The following EML4 variants were observed in gnomAD, a reference collection of about 807,000 sequenced individuals.
EML4 encodes the protein EMAP like 4.
In EML4, 72 loss-of-function variants were observed where a neutral mutation model predicts 129.0. The observed-to-expected ratio is 0.56, with a 90% CI of 0.46 to 0.68. EML4 has a LOEUF of 0.68. Among genes scored for constraint, EML4 ranks in the 30% least tolerant of loss-of-function variants. The pLI, the probability that EML4 is intolerant of heterozygous loss-of-function variation, is 0.00. For synonymous variants in EML4, 532 were observed against 405.0 expected, an observed-to-expected ratio of 1.31 and a Z score of -3.77; for missense variants, 1,363 against 1,190.6, an observed-to-expected ratio of 1.14 and a Z score of -2.13.
At chr2:42,289,139 A>G (rs926530132) in intron 11 of EML4, 9 of 152,382 alleles carry the variant, frequency 5.9e-5, no homozygotes, top group African/African-American at 2.2e-4. Context: ...TAAAAGGAAT[A>G]TAAGTTGTCA....
intron 1 of EML4, among the ~76,000 whole-genome samples, chr2:42,198,735 C>T (rs548843221): frequency 6.6e-6 from 1 of 152,122 alleles, no homozygotes; most frequent in South Asian, 2.1e-4. Context: ...GTTATTGAGG[C>T]AATGGGAGTT....
chr2:42,282,076 C>T (rs1667042874), intron 7 of EML4, among the ~76,000 whole-genome samples: 1 of 152,026 alleles, frequency 6.6e-6, no homozygotes, highest in Non-Finnish European at 1.5e-5. Context: ...TTGGTCCCTC[C>T]CTTCTCTCTC....
chr2:42,180,139 C>T (rs1670847683), intron 1 of EML4, among the ~76,000 whole-genome samples: 1 of 152,138 alleles, frequency 6.6e-6, no homozygotes, highest in African/African-American at 2.4e-5. Context: ...CATTATACTT[C>T]ATAGTATGGC....
At chr2:42,327,407 T>G (rs1669865112) in intron 21 of EML4, among the ~76,000 whole-genome samples, 1 of 152,258 alleles carries the variant, frequency 6.6e-6, no homozygotes, top group African/African-American at 2.4e-5. Context: ...TTTACTCTTT[T>G]GAGCAACTGC....
At chr2:42,265,358 G>C (rs747553278) in intron 6 of EML4, among the ~76,000 whole-genome samples, 1 of 152,122 alleles carries the variant, frequency 6.6e-6, no homozygotes, top group Non-Finnish European at 1.5e-5. Flanking sequence ...GCCCGCCTCA[G>C]CCTCCCAAAG....
At chr2:42,225,516 T>C (rs1195419838) in intron 1 of EML4, among the ~76,000 whole-genome samples, 1 of 152,200 alleles carries the variant, frequency 6.6e-6, no homozygotes, top group Non-Finnish European at 1.5e-5. Flanking sequence ...ATTTAGTAAG[T>C]CTTGCTGAAT....
intron 1 of EML4, among the ~76,000 whole-genome samples, chr2:42,191,523 C>G (rs1671580004): frequency 6.6e-6 from 1 of 151,996 alleles, no homozygotes; most frequent in Non-Finnish European, 1.5e-5. Context: ...TCATTTAGAA[C>G]CAATGTTTAG....
intron 1 of EML4, among the ~76,000 whole-genome samples, chr2:42,239,575 C>A (rs915387677): frequency 1.3e-5 from 2 of 152,122 alleles, no homozygotes; most frequent in African/African-American, 4.8e-5. Context: ...GTTTTCTCTT[C>A]ATTCTTTACT....
In EML4 at chr2:42,251,116, G is replaced by T. The variant is rs527374789; in HGVS notation, c.209-5385G>T. Among the ~76,000 whole-genome samples, 6 of 152,306 alleles carry T rather than the reference G, an allele frequency of 3.9e-5. 1 individual carries two copies. In the South Asian group the frequency reaches 1.2e-3, roughly 32 times the overall value. ...TTCACTCTCTGGCTTCTCACCTCCTGCTGTCTGGCCTGGTTTCTAACAGGC... is the reference window on the plus strand; with the variant it reads ...TTCACTCTCTGGCTTCTCACCTCCTTCTGTCTGGCCTGGTTTCTAACAGGC... On this transcript the variant is annotated intron_variant, in intron 2 of 22. Coordinates refer to ENST00000318522, the MANE Select transcript of EML4 (RefSeq NM_019063.5).
chr2:42,282,691 C>A, intron 7 of EML4, 132 bp from the exon 8 acceptor site: 1 of 806,718 alleles, frequency 1.2e-6, no homozygotes, highest in Non-Finnish European at 2.0e-6. Context: ...TCTGCCCGTC[C>A]AGGACATGAG....
chr2:42,318,278 T>C (rs545619276), intron 19 of EML4, among the ~76,000 whole-genome samples: 19 of 152,226 alleles, frequency 1.2e-4, no homozygotes, highest in Non-Finnish European at 2.5e-4. Context: ...AAACAGTTCA[T>C]TTTAGGGAAA....
rs539027431 is a variant in EML4 at position 42,278,358 on chromosome 2, G to A, written c.668-2492G>A. Among the ~76,000 whole-genome samples, 34 of 152,112 alleles carry A rather than the reference G, an allele frequency of 2.2e-4. No homozygotes were observed. In the South Asian group the frequency reaches 5.0e-3, roughly 22 times the overall value. ...GAGGCTGAGGGGGCGCGGATCACTT[G>A]AAGTCGGAAGTTTGAGACCAATCTG... On this transcript the variant is annotated intron_variant, in intron 6 of 22. Transcript: ENST00000318522.
intron 17 of EML4, among the ~76,000 whole-genome samples, chr2:42,305,020 G>A (rs921182889): frequency 6.6e-6 from 1 of 152,158 alleles, no homozygotes; most frequent in Admixed American, 6.5e-5. Context: ...TCTGGAGGCT[G>A]AGGCAGGAGA....
chr2:42,182,717 A>G (rs551157666), intron 1 of EML4, among the ~76,000 whole-genome samples: 21 of 152,322 alleles, frequency 1.4e-4, no homozygotes, highest in Admixed American at 1.1e-3. Context: ...TGCTAGAGCT[A>G]CCATACAAAA....
chr2:42,238,825 G>A (rs979937598), intron 1 of EML4, among the ~76,000 whole-genome samples: 8 of 152,198 alleles, frequency 5.3e-5, no homozygotes, highest in East Asian at 3.9e-4. Flanking sequence ...GCTCTGTCAC[G>A]CAGACTTGAG....
At chr2:42,294,207 T>A (rs1249885660) in intron 11 of EML4, among the ~76,000 whole-genome samples, 1 of 152,254 alleles carries the variant, frequency 6.6e-6, no homozygotes, top group Non-Finnish European at 1.5e-5. Flanking sequence ...CTCATGCTTG[T>A]ATTCTTCCTA....
chr2:42,269,502 T>G (rs1572661801), intron 6 of EML4, among the ~76,000 whole-genome samples: 1 of 152,162 alleles, frequency 6.6e-6, no homozygotes, highest in African/African-American at 2.4e-5. Flanking sequence ...ACATTCATGC[T>G]CCATAGACAA....
chr2:42,192,855 C>T (rs1671681723), intron 1 of EML4, among the ~76,000 whole-genome samples: 1 of 152,012 alleles, frequency 6.6e-6, no homozygotes. Context: ...ATCTAGAGAC[C>T]CTGAGATTCT....
At chr2:42,327,692 G>A (rs1669885063) in intron 21 of EML4, among the ~76,000 whole-genome samples, 1 of 152,184 alleles carries the variant, frequency 6.6e-6, no homozygotes, top group South Asian at 2.1e-4. Flanking sequence ...GTATCCTTCT[G>A]AAAGGGTTAG....
Sources: allele counts gnomAD v4.1 joint callset (sites outside exome capture counted in the v4.1 genomes callset), GRCh38; gene constraint gnomAD v4.1.1; transcripts MANE v1.5; gene names NCBI Gene and HGNC (gene_info 2026-07-23, HGNC 2026-07-21).